Variants in GRIN2A observed in about 807,000 individuals in gnomAD.
GRIN2A encodes glutamate ionotropic receptor NMDA type subunit 2A.
GRIN2A carries 22 observed loss-of-function variants against 113.4 expected under a neutral mutation model. The observed-to-expected ratio is 0.19, with a 90% CI of 0.14 to 0.28. The LOEUF is 0.28. Ranked by LOEUF, GRIN2A falls within the 10% of genes least tolerant of loss-of-function variation. The probability of loss-of-function intolerance (pLI) is 1.00; values close to 1 mark genes in which losing one functional copy is unlikely to be tolerated. For synonymous variants in GRIN2A, 827 were observed against 738.4 expected (o/e 1.12, Z -1.94); for missense variants, 1,502 against 1,887.0 (o/e 0.80, Z 3.78).
At chr16:9,992,202 T>C (rs1443471985) in intron 2 of GRIN2A, among the ~76,000 whole-genome samples, 2 of 152,220 alleles carry the variant, frequency 1.3e-5, no homozygotes, top group African/African-American at 4.8e-5. Context: ...GATCCGTTCA[T>C]GGACACTTGA....
intron 11 of GRIN2A, among the ~76,000 whole-genome samples, chr16:9,771,492 T>C (rs1901269731): frequency 6.6e-6 from 1 of 152,184 alleles, no homozygotes; most frequent in Admixed American, 6.5e-5. Context: ...ATATAAAGTT[T>C]AAAAGTTTTT....
chr16:9,943,722 T>A (rs2044947551), intron 2 of GRIN2A, among the ~76,000 whole-genome samples: 1 of 152,182 alleles, frequency 6.6e-6, no homozygotes. Context: ...GGCAGCTCAG[T>A]CATCGTGAGA....
intron 3 of GRIN2A, among the ~76,000 whole-genome samples, chr16:9,895,495 T>C (rs16966627): frequency 0.28 from 43,313 of 152,088 alleles, 7,071 homozygotes; most frequent in African/African-American, 0.44. Flanking sequence ...AGACTTCATC[T>C]TGTGTTTATT....
chr16:10,083,727 T>G (rs1440727142), intron 2 of GRIN2A, among the ~76,000 whole-genome samples: 1 of 152,224 alleles, frequency 6.6e-6, no homozygotes, highest in African/African-American at 2.4e-5. Context: ...GAAGTCTTCT[T>G]GAATTCTTTC....
intron 9 of GRIN2A, among the ~76,000 whole-genome samples, chr16:9,829,186 G>T (rs556746758): frequency 6.6e-6 from 1 of 152,162 alleles, no homozygotes; most frequent in Non-Finnish European, 1.5e-5. Flanking sequence ...ACGACCACTC[G>T]GGGAAGCCAG....
intron 3 of GRIN2A, among the ~76,000 whole-genome samples, chr16:9,921,264 C>T (rs1412812079): frequency 6.6e-6 from 1 of 152,208 alleles, no homozygotes; most frequent in Non-Finnish European, 1.5e-5. Context: ...CCATCAGTCA[C>T]ACTTTCATGA....
chr16:10,148,269 T>G lies in GRIN2A; in HGVS notation c.414+31729A>C, dbSNP rs143005196. Among the ~76,000 whole-genome samples the G allele has an allele frequency of 5.2e-3, 794 of 152,272 alleles. 8 individuals are homozygous for G. The highest frequency in any genetic ancestry group is 0.018 in the African/African-American group (745 of 41,544). On this transcript the variant is annotated intron_variant, in intron 2 of 12. Coordinates refer to ENST00000330684, the MANE Select transcript of GRIN2A (RefSeq NM_001134407.3). The stretch of plus-strand genomic sequence containing the variant: ...CTCCTTTTGTGCTAAAACGGCAGAG[T>G]TGAGTAGTTGCAACAGATCCTATGG...
chr16:9,996,799 TA>T (rs934480569), intron 2 of GRIN2A, among the ~76,000 whole-genome samples: 9 of 152,264 alleles, frequency 5.9e-5, no homozygotes, highest in African/African-American at 1.7e-4. Context: ...GAGAGATGAA[TA>T]GGGGTGGGGA....
At chr16:10,147,971 C>A (rs1479282053) in intron 2 of GRIN2A, among the ~76,000 whole-genome samples, 1 of 152,170 alleles carries the variant, frequency 6.6e-6, no homozygotes, top group Non-Finnish European at 1.5e-5. Flanking sequence ...AATTCTCATT[C>A]CTTGTCCTAC....
At chr16:10,040,131 TTC>T (rs2047133007) in intron 2 of GRIN2A, among the ~76,000 whole-genome samples, 1 of 4,184 alleles carries the variant, frequency 2.4e-4, no homozygotes, top group African/African-American at 1.1e-3. Context: ...ACTACACACA[TTC>T]ACACCACACA....
chr16:10,144,376 T>C (rs780979182), intron 2 of GRIN2A, among the ~76,000 whole-genome samples: 28 of 152,182 alleles, frequency 1.8e-4, no homozygotes, highest in Non-Finnish European at 3.8e-4. Context: ...TCACAGTCAC[T>C]CGTTGTGGTT....
rs765377281 is a variant in GRIN2A, at chr16:9,765,744, GTGTT to G, written c.2596-800_2596-797del. ...TTAATCGACTCAATCTATTCCTTGT[GTGTT>G]TGTTTGTGTGTGAGTCTATTCAATG... On this transcript the variant is annotated intron_variant, in intron 12 of 12. Transcript: ENST00000330684. Among the ~76,000 whole-genome samples the G allele has an allele frequency of 4.6e-5, 7 of 152,280 alleles. No homozygotes were observed. The East Asian group carries it at 1.2e-3, about 25-fold the overall frequency.
intron 10 of GRIN2A, among the ~76,000 whole-genome samples, chr16:9,804,128 C>G (rs1462916729): frequency 1.3e-5 from 2 of 152,094 alleles, no homozygotes; most frequent in Admixed American, 1.3e-4. Flanking sequence ...GCCATAGCTT[C>G]TTGTTGAAGA....
chr16:9,769,425 C>T (rs1901121024), intron 11 of GRIN2A, among the ~76,000 whole-genome samples: 1 of 141,652 alleles, frequency 7.1e-6, no homozygotes. Context: ...TAGCACAGTT[C>T]CTGGTTTTGT....
chr16:10,100,092 G>C (rs1017205477), intron 2 of GRIN2A, among the ~76,000 whole-genome samples: 7 of 152,166 alleles, frequency 4.6e-5, no homozygotes, highest in East Asian at 1.9e-4. Context: ...GTGAAGGGGG[G>C]ACATGAGGGC....
chr16:10,094,228 A>C (rs2048240440), intron 2 of GRIN2A, among the ~76,000 whole-genome samples: 1 of 152,152 alleles, frequency 6.6e-6, no homozygotes, highest in Admixed American at 6.5e-5. Context: ...TTGCAAACAA[A>C]ATGGTGAGGG....
intron 2 of GRIN2A, among the ~76,000 whole-genome samples, chr16:10,149,709 C>T (rs1016773725): frequency 2.0e-5 from 3 of 152,284 alleles, no homozygotes; most frequent in African/African-American, 7.2e-5. Flanking sequence ...TTGTAATATC[C>T]TCCTAACTGG....
chr16:10,155,240 G>T (rs1324771255), intron 2 of GRIN2A, among the ~76,000 whole-genome samples: 1 of 152,216 alleles, frequency 6.6e-6, no homozygotes, highest in Non-Finnish European at 1.5e-5. Context: ...GTGCAGCCAG[G>T]AGTTTACATT....
chr16:10,098,412 A>C lies in GRIN2A; in HGVS notation c.414+81586T>G, dbSNP rs538575989. 2.6e-5 allele frequency among the ~76,000 whole-genome samples: 4 copies of C among 152,358 alleles called. No homozygotes were observed. In the East Asian group the frequency reaches 7.7e-4, roughly 29 times the overall value. ...CAGTGTGGAGATAGCTTAAATAACTAAAAGGAGAACTACCATTTGGCACAG... is the reference window on the plus strand; with the variant it reads ...CAGTGTGGAGATAGCTTAAATAACTCAAAGGAGAACTACCATTTGGCACAG... On this transcript the variant is annotated intron_variant, in intron 2 of 12. Transcript: ENST00000330684.
Sources: gnomAD v4.1 joint callset for allele counts (sites outside exome capture counted in the v4.1 genomes callset) on GRCh38, gnomAD v4.1.1 for gene constraint, MANE v1.5 for transcripts, NCBI Gene and HGNC (gene_info 2026-07-23, HGNC 2026-07-21) for gene names.